Variants in FSTL5 observed in about 807,000 individuals in gnomAD.
FSTL5 encodes follistatin-related protein 5.
In FSTL5, 62 loss-of-function variants were observed where a neutral mutation model predicts 89.1. The ratio of observed to expected loss-of-function variants is 0.70; its 90% CI spans 0.57 to 0.86. FSTL5 has a LOEUF of 0.86. Ranked by LOEUF, FSTL5 falls within the 40% of genes least tolerant of loss-of-function variation. FSTL5 has a pLI of 0.00. For missense variants in FSTL5, 1,057 were observed against 1,001.6 expected (o/e 1.06, Z -0.75); for synonymous variants, 383 against 346.2 (o/e 1.11, Z -1.18).
chr4:161,423,350 C>T (rs974218921), intron 15 of FSTL5, among the ~76,000 whole-genome samples: 2 of 152,096 alleles, frequency 1.3e-5, no homozygotes, highest in African/African-American at 4.8e-5. Flanking sequence ...TGTGATTTAT[C>T]TCAGAAATGC....
At chr4:162,150,751 C>T (rs2111509042) in intron 1 of FSTL5, among the ~76,000 whole-genome samples, 1 of 152,178 alleles carries the variant, frequency 6.6e-6, no homozygotes, top group Middle Eastern at 3.4e-3. Context: ...ATGACAATAC[C>T]TATTCCTATT....
At chr4:161,606,097 C>T (rs888471023) in intron 7 of FSTL5, among the ~76,000 whole-genome samples, 3 of 149,648 alleles carry the variant, frequency 2.0e-5, no homozygotes, top group Non-Finnish European at 4.4e-5. Context: ...CTGAGGCCAT[C>T]CAAGACTAGC....
rs78209611 is a variant in FSTL5, at chr4:161,942,121, T to G, written c.161-21469A>C. On this transcript the variant is annotated intron_variant, in intron 3 of 15. Transcript: ENST00000306100. ...TGAAAGCATAACATGCTGAATTTTA[T>G]GAGATGAAGAGAGAGAAGACTAAGA... Among the ~76,000 whole-genome samples, 44 of 151,996 alleles carry G rather than the reference T, an allele frequency of 2.9e-4. 1 individual carries two copies. The East Asian group carries it at 8.1e-3, about 28-fold the overall frequency.
At chr4:161,673,018 A>T (rs1737175140) in intron 6 of FSTL5, among the ~76,000 whole-genome samples, 1 of 152,064 alleles carries the variant, frequency 6.6e-6, no homozygotes, top group Non-Finnish European at 1.5e-5. Flanking sequence ...ATTAAATGCT[A>T]TACAAATGCC....
intron 10 of FSTL5, among the ~76,000 whole-genome samples, chr4:161,523,492 T>C (rs1038243071): frequency 6.6e-6 from 1 of 152,242 alleles, no homozygotes; most frequent in Non-Finnish European, 1.5e-5. Context: ...ATTTAGTCTT[T>C]ATTTTGATAT....
chr4:161,910,948 CT>C (rs1733673268), intron 4 of FSTL5, among the ~76,000 whole-genome samples: 1 of 152,036 alleles, frequency 6.6e-6, no homozygotes, highest in South Asian at 2.1e-4. Flanking sequence ...TTTTCCTGAT[CT>C]GTCACCTGAT....
At chr4:161,776,216 T>C (rs1467006120) in intron 4 of FSTL5, 142 bp from the exon 5 acceptor site, 1 of 466,334 alleles carries the variant, frequency 2.1e-6, no homozygotes, top group Non-Finnish European at 3.6e-6. Flanking sequence ...TTACAACTTG[T>C]ACAAGAAAAA....
intron 4 of FSTL5, among the ~76,000 whole-genome samples, chr4:161,808,643 T>A (rs1641380811): frequency 1.3e-5 from 2 of 151,250 alleles, no homozygotes; most frequent in Admixed American, 6.6e-5. Context: ...AAAACCCAGA[T>A]AAAATGAAAC....
At chr4:161,607,348 C>G (rs1324166267) in intron 7 of FSTL5, among the ~76,000 whole-genome samples, 1 of 152,060 alleles carries the variant, frequency 6.6e-6, no homozygotes, top group Non-Finnish European at 1.5e-5. Context: ...GTTGACCCAG[C>G]TGCCTTTTTT....
chr4:161,472,432 T>C (rs1395034307), intron 13 of FSTL5, among the ~76,000 whole-genome samples: 2 of 152,274 alleles, frequency 1.3e-5, no homozygotes, highest in East Asian at 3.9e-4. Context: ...GTTGTAAAGA[T>C]AGGTTGTTGA....
At chr4:161,528,215 C>T (rs1224485080) in intron 10 of FSTL5, among the ~76,000 whole-genome samples, 2 of 139,208 alleles carry the variant, frequency 1.4e-5, no homozygotes, top group Non-Finnish European at 3.1e-5. Flanking sequence ...TTAATGGGTG[C>T]AGCACACCAG....
chr4:162,044,250 T>C (rs1262936213), intron 2 of FSTL5, among the ~76,000 whole-genome samples: 1 of 152,222 alleles, frequency 6.6e-6, no homozygotes, highest in African/African-American at 2.4e-5. Flanking sequence ...AATGAATGTT[T>C]TGTTAGCAGG....
intron 3 of FSTL5, among the ~76,000 whole-genome samples, chr4:161,947,237 AT>A (rs1380322897): frequency 7.0e-6 from 1 of 142,934 alleles, no homozygotes; most frequent in Non-Finnish European, 1.6e-5. Flanking sequence ...ATGAGCAGAA[AT>A]TTTATTTTTT....
intron 15 of FSTL5, among the ~76,000 whole-genome samples, chr4:161,422,387 TGA>T (rs1254934772): frequency 6.6e-6 from 1 of 152,220 alleles, no homozygotes; most frequent in African/African-American, 2.4e-5. Flanking sequence ...GATATTTTAA[TGA>T]GAGTCATTAT....
At chr4:161,667,616 A>G (rs1199539512) in intron 6 of FSTL5, among the ~76,000 whole-genome samples, 2 of 152,238 alleles carry the variant, frequency 1.3e-5, no homozygotes, top group Admixed American at 6.5e-5. Flanking sequence ...GTGAGTATTA[A>G]CTGAATACAT....
chr4:162,088,905 T>C (rs1730427268), intron 2 of FSTL5, among the ~76,000 whole-genome samples: 1 of 152,132 alleles, frequency 6.6e-6, no homozygotes, highest in Admixed American at 6.6e-5. Flanking sequence ...CCAAGTGCTA[T>C]GGTCTGAATG....
intron 3 of FSTL5, among the ~76,000 whole-genome samples, chr4:161,930,339 C>T (rs1734252717): frequency 6.6e-6 from 1 of 151,786 alleles, no homozygotes; most frequent in South Asian, 2.1e-4. Context: ...CCCCAAACCC[C>T]TCTATGGTTG....
chr4:161,696,342 T>A (rs1469709528), intron 6 of FSTL5, among the ~76,000 whole-genome samples: 1 of 152,170 alleles, frequency 6.6e-6, no homozygotes, highest in Non-Finnish European at 1.5e-5. Context: ...AGCAGTAACC[T>A]GTTGTTTTGG....
At chr4:162,071,664 C>T (rs182783005) in intron 2 of FSTL5, among the ~76,000 whole-genome samples, 2 of 151,788 alleles carry the variant, frequency 1.3e-5, no homozygotes, top group East Asian at 3.9e-4. Flanking sequence ...ATTTAGAAAA[C>T]ATTTCATCCA....
Sources: gnomAD v4.1 joint callset for allele counts (sites outside exome capture counted in the v4.1 genomes callset) on GRCh38, gnomAD v4.1.1 for gene constraint, MANE v1.5 for transcripts, NCBI Gene and HGNC (gene_info 2026-07-23, HGNC 2026-07-21) for gene names.